UBL7: variants seen among roughly 807,000 people sequenced by gnomAD.
UBL7 encodes the protein ubiquitin-like protein 7.
In UBL7, 21 loss-of-function variants were observed where a neutral mutation model predicts 41.7. The ratio of observed to expected loss-of-function variants is 0.50; its 90% CI spans 0.36 to 0.73. UBL7 has a LOEUF of 0.73. Among genes scored for constraint, UBL7 ranks in the 30% least tolerant of loss-of-function variants. The pLI, the probability that UBL7 is intolerant of heterozygous loss-of-function variation, is 0.00. For synonymous variants in UBL7, 157 were observed against 186.9 expected, an observed-to-expected ratio of 0.84 and a Z score of 1.31; for missense variants, 403 against 478.4, an observed-to-expected ratio of 0.84 and a Z score of 1.47.
At position 74,448,605 on chromosome 15, in the gene UBL7, A is replaced by G. The variant is rs1446462718; in HGVS notation, c.883-5T>C. 1 of 1,613,800 alleles carries G rather than the reference A, an allele frequency of 6.2e-7. No individual in the cohort carries two copies. The highest frequency in any genetic ancestry group is 1.1e-5 in the South Asian group (1 of 91,064). On this transcript the variant is annotated splice_region_variant and splice_polypyrimidine_tract_variant and intron_variant, in intron 9 of 10. Coordinates refer to ENST00000395081, the MANE Select transcript of UBL7 (RefSeq NM_032907.5). ...TGAGGTCCCTGAGGAATGACCCTAG[A>G]GACAAATTAGTGGTCAGTGCCACCC...
intron 2 of UBL7, among the ~76,000 whole-genome samples, chr15:74,457,658 A>G (rs2061307393): frequency 6.7e-6 from 1 of 150,268 alleles, no homozygotes; most frequent in African/African-American, 2.5e-5. Flanking sequence ...AATTGCCTGA[A>G]CCTGGGAGAC....
At chr15:74,449,101 G>C (rs1160482149) in intron 9 of UBL7, 85 bp downstream of exon 9, 2 of 1,448,508 alleles carry the variant, frequency 1.4e-6, no homozygotes, top group Non-Finnish European at 1.8e-6. Context: ...CTAGCACCAG[G>C]GTCAGCAAAG....
intron 7 of UBL7, 55 bp downstream of exon 7, chr15:74,449,881 T>A: frequency 6.4e-7 from 1 of 1,574,324 alleles, no homozygotes; most frequent in Non-Finnish European, 8.6e-7. Flanking sequence ...TAAAGCAAAT[T>A]CCTGGGCCAC....
rs927150577 is a variant in UBL7, at chr15:74,449,980, G to A, written c.620C>T (p.Ser207Phe). 9 of 1,613,328 alleles carry A rather than the reference G, an allele frequency of 5.6e-6. No individual in the cohort carries two copies. The highest frequency in any genetic ancestry group is 7.6e-6 in the Non-Finnish European group (9 of 1,179,804). Reference sequence around the variant, plus strand: ...GCTGGAGGGCATGCTCCGGGAAGAGGAGTCAGTCCCAGGCATTGGGGCACT... The same window carrying A: ...GCTGGAGGGCATGCTCCGGGAAGAGAAGTCAGTCCCAGGCATTGGGGCACT... ...AGSAPMPGTD[S>F]SSRSMPSSSY... The change falls in exon 7 of 11, where the codon TCC becomes TTC. Residue 207 changes from serine (S) to phenylalanine (F), a missense_variant. Ser to Phe is a radical substitution (Grantham distance 155). Transcript: ENST00000395081.
rs369679095 is a variant in UBL7 at position 74,450,074 on chromosome 15, G to C, written c.531-5C>G. The C allele has an allele frequency of 6.2e-7, 1 of 1,610,458 alleles. No homozygotes were observed. Among genetic ancestry groups the C allele is most frequent in the Non-Finnish European group, 8.5e-7 (1 of 1,178,110 alleles). ...GCTGGGTGAGCAGGCACCAACCTAGGATAGAAGCAGGAAGAAACCCAAGGG... is the reference window on the plus strand; with the variant it reads ...GCTGGGTGAGCAGGCACCAACCTAGCATAGAAGCAGGAAGAAACCCAAGGG... On this transcript the variant is annotated splice_region_variant and splice_polypyrimidine_tract_variant and intron_variant, in intron 6 of 10. Coordinates refer to ENST00000395081, the MANE Select transcript of UBL7 (RefSeq NM_032907.5).
At position 74,461,039 on chromosome 15, in the gene UBL7, C is replaced by T; in HGVS notation, c.-32G>A. The T allele has an allele frequency of 1.9e-6, 2 of 1,050,828 alleles. No individual in the cohort carries two copies. The highest frequency in any genetic ancestry group is 2.3e-6 in the Non-Finnish European group (2 of 866,424). The allele number at this position is 1,050,828 out of a possible 1,614,324, so 65.1% of individuals were successfully genotyped here. Reference sequence around the variant, plus strand: ...ACACTATCCGGTGGCGACCTCACCGCTCCAGTGGGACCAGCTACTTGGCTG... The same window carrying T: ...ACACTATCCGGTGGCGACCTCACCGTTCCAGTGGGACCAGCTACTTGGCTG... On this transcript the variant is annotated splice_region_variant and 5_prime_UTR_variant, in exon 1 of 11. Transcript: ENST00000395081.
chr15:74,451,671 T>C (rs537326256), intron 4 of UBL7, 151 bp from the exon 5 acceptor site: 1 of 557,936 alleles, frequency 1.8e-6, no homozygotes, highest in African/African-American at 1.9e-5. Flanking sequence ...GAACCTCTTT[T>C]TGCTCTAAGA....
intron 7 of UBL7, 54 bp downstream of exon 7, chr15:74,449,882 C>T (rs2061224824): frequency 6.3e-7 from 1 of 1,575,046 alleles, no homozygotes; most frequent in South Asian, 1.2e-5. Flanking sequence ...AAAGCAAATT[C>T]CTGGGCCACT....
At chr15:74,451,403 C>T in intron 5 of UBL7, 33 bp downstream of exon 5, 1 of 1,579,630 alleles carries the variant, frequency 6.3e-7, no homozygotes, top group Non-Finnish European at 8.7e-7. Flanking sequence ...TTTCCGACAA[C>T]TCCTATTTCC....
At chr15:74,460,534 C>T (rs1274247187) in intron 1 of UBL7, 2 of 464,134 alleles carry the variant, frequency 4.3e-6, no homozygotes, top group African/African-American at 2.5e-5. Context: ...TCAGTCCCCT[C>T]TCTTTCCTCT....
At position 74,451,443 on chromosome 15, in the gene UBL7, A is replaced by C; in HGVS notation, c.465T>G (p.Ile155Met). Residue 155 changes from isoleucine to methionine, a missense_variant, in exon 5 of 11, where the codon ATT becomes ATG. Physicochemically the swap from Ile to Met is conservative, Grantham distance 10. Transcript: ENST00000395081. The stretch of plus-strand genomic sequence containing the variant: ...ATTCAGTCCTGCACTTACCAAGAGC[A>C]ATAGGGTCACTGCTGAGGCCTGGGG... ...VATPGLSSDP[I>M]ALGVLQDKDL... is the part of the protein sequence containing the mutation. 1 of 1,614,150 alleles carries C rather than the reference A, an allele frequency of 6.2e-7. No individual in the cohort carries two copies. Among genetic ancestry groups the C allele is most frequent in the Non-Finnish European group, 8.5e-7 (1 of 1,179,998 alleles).
intron 8 of UBL7, 43 bp downstream of exon 8, chr15:74,449,583 C>T (rs1415781128): frequency 1.2e-6 from 2 of 1,613,740 alleles, no homozygotes; most frequent in Non-Finnish European, 1.7e-6. Context: ...AGCACCATCT[C>T]CCCCACATGT....
chr15:74,455,307 G>T (rs1354447557), intron 3 of UBL7, among the ~76,000 whole-genome samples: 2 of 152,178 alleles, frequency 1.3e-5, no homozygotes, highest in Non-Finnish European at 2.9e-5. Flanking sequence ...TTTATTCTTA[G>T]GGAGGCTTTT....
intron 9 of UBL7, among the ~76,000 whole-genome samples, chr15:74,448,940 T>G (rs190135423): frequency 6.6e-6 from 1 of 152,286 alleles, no homozygotes; most frequent in African/African-American, 2.4e-5. Context: ...GCATATTGTG[T>G]GCAGGAAGAG....
rs377713101 is a variant in UBL7, at chr15:74,452,281, G to A, written c.387+15C>T. 39 of 1,551,084 alleles carry A rather than the reference G, an allele frequency of 2.5e-5. No homozygotes were observed. Among genetic ancestry groups the A allele is most frequent in the Middle Eastern group, 1.7e-4 (1 of 5,962 alleles). ...TCTCCTACAGTCCTGGCTGGGGGCC[G>A]CAGCACACACTCACCGCCTCCCTGT... On this transcript the variant is annotated intron_variant, in intron 4 of 10. Coordinates refer to ENST00000395081, the MANE Select transcript of UBL7 (RefSeq NM_032907.5).
rs764090335 is a variant in UBL7, at chr15:74,449,929, C to A, written c.664+7G>T. ...AGGGGCCCACATTACACTTTTCAGG[C>A]GCTCACCTGGCATATCCCGGTATGA... On this transcript the variant is annotated splice_region_variant and intron_variant, in intron 7 of 10. Transcript: ENST00000395081. The A allele has an allele frequency of 5.0e-6, 8 of 1,607,434 alleles. No homozygotes were observed. Among genetic ancestry groups the A allele is most frequent in the Admixed American group, 1.7e-5 (1 of 59,066 alleles).
At chr15:74,451,897 C>T (rs79494487) in intron 4 of UBL7, among the ~76,000 whole-genome samples, 21 of 152,134 alleles carry the variant, frequency 1.4e-4, no homozygotes, top group Non-Finnish European at 2.9e-4. Context: ...TTGTATATAT[C>T]GCTAAGTTCA....
chr15:74,448,704 C>G (rs1314889385), intron 9 of UBL7, 104 bp from the exon 10 acceptor site: 1 of 1,488,802 alleles, frequency 6.7e-7, no homozygotes, highest in Non-Finnish European at 9.1e-7. Flanking sequence ...AGGTACCCAA[C>G]TTCTGCCTCC....
rs201276360 is a variant in UBL7 at position 74,458,711 on chromosome 15, C to A, written c.157G>T (p.Glu53Ter). ...LKQLIAGKLQ[E>*]SVPDPELIDL... ...ATCAGCTCAGGGTCTGGAACAGACT[C>A]CTGGAGTTTGCCAGCAATAAGCTGC... Residue 53 changes from glutamate (E) to a stop codon, truncating the protein, a stop_gained, in exon 2 of 11, where the codon GAG becomes TAG. Transcript: ENST00000395081. LOFTEE classifies it high-confidence loss of function. 1.2e-6 allele frequency: 2 copies of A among 1,614,038 alleles called. No homozygotes were observed. Among genetic ancestry groups the A allele is most frequent in the East Asian group, 2.2e-5 (1 of 44,886 alleles).
Sources: allele counts gnomAD v4.1 joint callset (sites outside exome capture counted in the v4.1 genomes callset), GRCh38; gene constraint gnomAD v4.1.1; transcripts MANE v1.5; gene names NCBI Gene and HGNC (gene_info 2026-07-23, HGNC 2026-07-21).